The following ADARB2 variants were observed in gnomAD, a reference collection of about 807,000 sequenced individuals.
ADARB2 encodes inactive double-stranded RNA-specific editase B2.
ADARB2 carries 25 observed loss-of-function variants against 62.2 expected under a neutral mutation model. That is an observed-to-expected ratio of 0.40 (90% CI 0.29 to 0.56). The LOEUF is 0.56. Ranked by LOEUF, ADARB2 falls within the 20% of genes least tolerant of loss-of-function variation. ADARB2 has a pLI of 0.43. For missense variants in ADARB2, 1,071 were observed against 1,077.4 expected, an observed-to-expected ratio of 0.99 and a Z score of 0.08; for synonymous variants, 572 against 500.8, an observed-to-expected ratio of 1.14 and a Z score of -1.90.
At chr10:1,248,454 CA>C (rs1370345478) in intron 4 of ADARB2, among the ~76,000 whole-genome samples, 1 of 152,174 alleles carries the variant, frequency 6.6e-6, no homozygotes, top group Non-Finnish European at 1.5e-5. Context: ...GAGTGTGAGG[CA>C]AGGGCGTGCG....
intron 6 of ADARB2, among the ~76,000 whole-genome samples, chr10:1,225,943 A>C (rs4880795): frequency 6.6e-6 from 1 of 151,744 alleles, no homozygotes; most frequent in African/African-American, 2.4e-5. Flanking sequence ...TTTCCTGAAT[A>C]TGAATGTTGG....
rs182984722 is a variant in ADARB2 at position 1,727,800 on chromosome 10, C to T, written c.100+9251G>A. On this transcript the variant is annotated intron_variant, in intron 1 of 9. Coordinates refer to ENST00000381312, the MANE Select transcript of ADARB2 (RefSeq NM_018702.4). ...AATAGAAGCTCAGGAGGAAGGGCCG[C>T]GTCCACTCCTTTTGCTCATGTCATT... Among the ~76,000 whole-genome samples the T allele has an allele frequency of 5.2e-4, 79 of 152,246 alleles. 3 individuals are homozygous for T. In the East Asian group the frequency reaches 0.013, roughly 25 times the overall value.
At chr10:1,534,169 C>T (rs1376014489) in intron 1 of ADARB2, among the ~76,000 whole-genome samples, 5 of 147,134 alleles carry the variant, frequency 3.4e-5, no homozygotes, top group Admixed American at 2.1e-4. Context: ...AGGAGTTTCA[C>T]TTTGTCGCCC....
intron 1 of ADARB2, among the ~76,000 whole-genome samples, chr10:1,480,219 G>C (rs1252264209): frequency 6.6e-6 from 1 of 152,128 alleles, no homozygotes; most frequent in Admixed American, 6.5e-5. Context: ...GAAGTAAAAG[G>C]CATCCTACTT....
At chr10:1,327,963 GTA>G (rs1203545686) in intron 3 of ADARB2, among the ~76,000 whole-genome samples, 2 of 93,630 alleles carry the variant, frequency 2.1e-5, no homozygotes, top group African/African-American at 4.0e-5. Flanking sequence ...TGTCTCACCA[GTA>G]CTCAGCGCCT....
chr10:1,564,977 T>C (rs60899679), intron 1 of ADARB2, among the ~76,000 whole-genome samples: 3,360 of 152,304 alleles, frequency 0.022, 81 homozygotes, highest in African/African-American at 0.055. Flanking sequence ...GCCTCGGCCG[T>C]AGACCTGCAT....
chr10:1,439,424 GC>G (rs1830875277), intron 1 of ADARB2, among the ~76,000 whole-genome samples: 3 of 131,750 alleles, frequency 2.3e-5, no homozygotes, highest in South Asian at 2.5e-4. Context: ...ACAGAGGCAG[GC>G]TCCTCAGGAT....
At chr10:1,314,793 G>T (rs1426723745) in intron 3 of ADARB2, among the ~76,000 whole-genome samples, 1 of 152,196 alleles carries the variant, frequency 6.6e-6, no homozygotes, top group Non-Finnish European at 1.5e-5. Flanking sequence ...AGCTTCAGCG[G>T]CTCTCCAGGA....
Position 1,190,539 on chromosome 10 carries a change from G to T in ADARB2, c.1865-5500C>A, listed in dbSNP as rs529038705. On this transcript the variant is annotated intron_variant, in intron 8 of 9. Coordinates refer to ENST00000381312, the MANE Select transcript of ADARB2 (RefSeq NM_018702.4). ...TAAAAGAGCAGAAATCTGTCCTGTCGTAGCTCTGGAGGCTGGAAGTCTGAA... is the reference window on the plus strand; with the variant it reads ...TAAAAGAGCAGAAATCTGTCCTGTCTTAGCTCTGGAGGCTGGAAGTCTGAA... Among the ~76,000 whole-genome samples the T allele has an allele frequency of 7.9e-5, 12 of 152,292 alleles. No homozygotes were observed. The South Asian group carries it at 1.4e-3, about 18-fold the overall frequency.
chr10:1,598,514 G>C (rs966381301), intron 1 of ADARB2, among the ~76,000 whole-genome samples: 7 of 152,238 alleles, frequency 4.6e-5, no homozygotes, highest in African/African-American at 1.4e-4. Flanking sequence ...ACAAATATCC[G>C]TGGAGAAACG....
In ADARB2 at chr10:1,564,974, C is replaced by T. The variant is rs189985739; in HGVS notation, c.100+172077G>A. Among the ~76,000 whole-genome samples, 136 of 152,324 alleles carry T rather than the reference C, an allele frequency of 8.9e-4. 1 individual carries two copies. The South Asian group carries it at 0.02, about 22-fold the overall frequency. On this transcript the variant is annotated intron_variant, in intron 1 of 9. Transcript: ENST00000381312. ...TCCAGCGATTCAGGCCTGGCCTCGG[C>T]CGTAGACCTGCATCCCACCTGGCCT...
intron 1 of ADARB2, among the ~76,000 whole-genome samples, chr10:1,456,222 C>T (rs866103636): frequency 1.3e-4 from 20 of 152,162 alleles, no homozygotes; most frequent in Admixed American, 6.5e-4. Flanking sequence ...AGAACGGAAA[C>T]CACTGTAATT....
chr10:1,353,447 A>G (rs991279020), intron 3 of ADARB2, among the ~76,000 whole-genome samples: 6 of 152,118 alleles, frequency 3.9e-5, no homozygotes, highest in African/African-American at 1.4e-4. Context: ...ACACTTCTGA[A>G]CTTCCTTTAA....
intron 1 of ADARB2, among the ~76,000 whole-genome samples, chr10:1,507,622 G>A (rs1831868923): frequency 6.6e-6 from 1 of 152,220 alleles, no homozygotes; most frequent in African/African-American, 2.4e-5. Flanking sequence ...TACCAGTGTA[G>A]CTCCTGTGTG....
At chr10:1,257,552 G>C (rs1053833136) in intron 4 of ADARB2, among the ~76,000 whole-genome samples, 4 of 152,204 alleles carry the variant, frequency 2.6e-5, no homozygotes, top group African/African-American at 9.6e-5. Flanking sequence ...TGATGAAGCT[G>C]CTGCAGGGGC....
chr10:1,554,188 C>T (rs1268946884), intron 1 of ADARB2, among the ~76,000 whole-genome samples: 2 of 152,134 alleles, frequency 1.3e-5, no homozygotes, highest in African/African-American at 4.8e-5. Flanking sequence ...GGCCTGTGCC[C>T]TAGGCTCTGG....
At chr10:1,222,052 A>G (rs542047015) in intron 6 of ADARB2, among the ~76,000 whole-genome samples, 21 of 152,212 alleles carry the variant, frequency 1.4e-4, no homozygotes, top group Admixed American at 7.9e-4. Flanking sequence ...AAGTGTTCCT[A>G]TTTCTCCACA....
rs561568148 is a variant in ADARB2, at chr10:1,446,083, T to C, written c.101-66923A>G. Among the ~76,000 whole-genome samples the C allele has an allele frequency of 2.6e-5, 4 of 152,226 alleles. No homozygotes were observed. The South Asian group carries it at 6.2e-4, about 24-fold the overall frequency. Reference sequence around the variant, plus strand: ...TGGAAGGGAGGGGGTGAAGGAAACATGAGGTCATTAAGTTAATGCTTTGCG... The same window carrying C: ...TGGAAGGGAGGGGGTGAAGGAAACACGAGGTCATTAAGTTAATGCTTTGCG... On this transcript the variant is annotated intron_variant, in intron 1 of 9. Transcript: ENST00000381312.
intron 1 of ADARB2, among the ~76,000 whole-genome samples, chr10:1,421,564 G>T (rs943797886): frequency 6.6e-6 from 1 of 152,008 alleles, no homozygotes; most frequent in African/African-American, 2.4e-5. Flanking sequence ...ACACTATCCT[G>T]GGCCCTGGGA....
Sources: allele counts gnomAD v4.1 joint callset (sites outside exome capture counted in the v4.1 genomes callset), GRCh38; gene constraint gnomAD v4.1.1; transcripts MANE v1.5; gene names NCBI Gene and HGNC (gene_info 2026-07-23, HGNC 2026-07-21).